The following TRHDE variants were observed in gnomAD, a reference collection of about 807,000 sequenced individuals.
TRHDE encodes thyrotropin-releasing hormone-degrading ectoenzyme.
TRHDE carries 72 observed loss-of-function variants against 125.7 expected under a neutral mutation model. That is an observed-to-expected ratio of 0.57 (90% CI 0.47 to 0.70). The LOEUF (loss-of-function observed/expected upper bound fraction) is 0.70, where lower values mean the gene tolerates loss of function less well. TRHDE is among the 30% of genes least tolerant of loss of function. The pLI is 0.00. For synonymous variants in TRHDE, 509 were observed against 509.1 expected (o/e 1.00, Z 0.00); for missense variants, 1,110 against 1,327.1 (o/e 0.84, Z 2.54).
chr12:72,465,662 T>G (rs957674962), intron 3 of TRHDE, among the ~76,000 whole-genome samples: 2 of 152,194 alleles, frequency 1.3e-5, no homozygotes, highest in Admixed American at 1.3e-4. Flanking sequence ...GGAAATAGGC[T>G]TTTATGAATA....
intron 3 of TRHDE, among the ~76,000 whole-genome samples, chr12:72,460,436 T>A (rs116099341): frequency 0.014 from 2,109 of 152,240 alleles, 45 homozygotes; most frequent in African/African-American, 0.048. Context: ...ATATGTATGC[T>A]TTTTGACTTG....
intron 2 of TRHDE, among the ~76,000 whole-genome samples, chr12:72,176,866 AG>A (rs1876999504): frequency 6.6e-6 from 1 of 152,248 alleles, no homozygotes; most frequent in Non-Finnish European, 1.5e-5. Flanking sequence ...GGATTTATTT[AG>A]AAGAACAAGT....
intron 2 of TRHDE, among the ~76,000 whole-genome samples, chr12:72,184,339 C>T (rs1877157676): frequency 6.6e-6 from 1 of 152,070 alleles, no homozygotes. Context: ...CTTCCAAAGC[C>T]TGAGCAAGAT....
At chr12:72,238,223 G>A (rs1372265338) in intron 2 of TRHDE, among the ~76,000 whole-genome samples, 2 of 135,834 alleles carry the variant, frequency 1.5e-5, no homozygotes, top group Admixed American at 7.8e-5. Flanking sequence ...ATGGTGAGTG[G>A]TACTGGGTGT....
chr12:72,096,858 T>C (rs1487627483), intron 1 of TRHDE, among the ~76,000 whole-genome samples: 1 of 152,214 alleles, frequency 6.6e-6, no homozygotes, highest in Non-Finnish European at 1.5e-5. Flanking sequence ...TTTTCCTTTG[T>C]TGCTTTCAGG....
At chr12:72,491,028 TG>T (rs1380399016) in intron 5 of TRHDE, among the ~76,000 whole-genome samples, 1 of 150,296 alleles carries the variant, frequency 6.7e-6, no homozygotes, top group Non-Finnish European at 1.5e-5. Context: ...TGTGAGATGA[TG>T]GATATGTTAA....
intron 15 of TRHDE, among the ~76,000 whole-genome samples, chr12:72,633,660 CT>C (rs1873591482): frequency 6.6e-6 from 1 of 152,056 alleles, no homozygotes; most frequent in Admixed American, 6.6e-5. Context: ...ACTTGGGATT[CT>C]GTATCCTCTT....
intron 2 of TRHDE, among the ~76,000 whole-genome samples, chr12:72,107,954 A>C (rs1292533064): frequency 6.6e-6 from 1 of 152,104 alleles, no homozygotes; most frequent in Non-Finnish European, 1.5e-5. Flanking sequence ...CACCCAACTA[A>C]TGATGTGACC....
chr12:72,142,738 A>C (rs1377430247), intron 2 of TRHDE, among the ~76,000 whole-genome samples: 2 of 152,160 alleles, frequency 1.3e-5, no homozygotes, highest in Non-Finnish European at 2.9e-5. Flanking sequence ...GATGGATGGC[A>C]GAATGACATG....
chr12:72,606,141 T>G (rs1346981454), intron 12 of TRHDE, among the ~76,000 whole-genome samples: 1 of 152,200 alleles, frequency 6.6e-6, no homozygotes, highest in East Asian at 1.9e-4. Flanking sequence ...TTTGGAGGGT[T>G]GTGATACTCA....
chr12:72,215,518 G>A (rs1402199188), intron 2 of TRHDE, among the ~76,000 whole-genome samples: 1 of 152,158 alleles, frequency 6.6e-6, no homozygotes, highest in Admixed American at 6.5e-5. Context: ...GCCAGCTTAG[G>A]TTCTTAATTC....
rs572404719 is a variant in TRHDE, at chr12:72,575,061, TAGTG to T, written c.2132-190_2132-187del. The stretch of plus-strand genomic sequence containing the variant: ...ATAAGAAAACAATTAATTGAGATGA[TAGTG>T]AGTAACCAATTAAAAGTTTTTCTAG... On this transcript the variant is annotated intron_variant, in intron 10 of 18. Coordinates refer to ENST00000261180, the MANE Select transcript of TRHDE (RefSeq NM_013381.3). Among the ~76,000 whole-genome samples, 408 of 152,258 alleles carry T rather than the reference TAGTG, an allele frequency of 2.7e-3. 1 individual carries two copies. The highest frequency in any genetic ancestry group is 9.1e-3 in the African/African-American group (379 of 41,572).
chr12:72,518,400 T>C, intron 6 of TRHDE, among the ~76,000 whole-genome samples: 1 of 151,308 alleles, frequency 6.6e-6, no homozygotes, highest in Non-Finnish European at 1.5e-5. Flanking sequence ...CATTATGTAA[T>C]GGCGTTCTTT....
At chr12:72,626,524 A>C (rs919599775) in intron 15 of TRHDE, among the ~76,000 whole-genome samples, 4 of 151,906 alleles carry the variant, frequency 2.6e-5, no homozygotes, top group African/African-American at 9.7e-5. Context: ...CATAAAATGT[A>C]AAACAAAATG....
At chr12:72,386,367 C>A (rs756156850) in intron 3 of TRHDE, among the ~76,000 whole-genome samples, 1 of 152,084 alleles carries the variant, frequency 6.6e-6, no homozygotes, top group African/African-American at 2.4e-5. Flanking sequence ...CCTTATACTC[C>A]GCTGTTTCCC....
At chr12:72,476,593 C>T (rs1876904600) in intron 5 of TRHDE, among the ~76,000 whole-genome samples, 1 of 152,106 alleles carries the variant, frequency 6.6e-6, no homozygotes, top group African/African-American at 2.4e-5. Context: ...AATAGAAAAA[C>T]CAGAAGTCAG....
intron 3 of TRHDE, among the ~76,000 whole-genome samples, chr12:72,450,119 G>A (rs1875500411): frequency 6.6e-6 from 1 of 152,034 alleles, no homozygotes; most frequent in Non-Finnish European, 1.5e-5. Flanking sequence ...CAGTCAGATA[G>A]GAGGAATAAG....
At chr12:72,094,335 C>T (rs1458276527) in intron 1 of TRHDE, among the ~76,000 whole-genome samples, 1 of 151,180 alleles carries the variant, frequency 6.6e-6, no homozygotes, top group Non-Finnish European at 1.5e-5. Context: ...GACTGAGTTA[C>T]AGGGCTGAGT....
At chr12:72,410,244 G>A (rs1160186876) in intron 3 of TRHDE, among the ~76,000 whole-genome samples, 4 of 151,828 alleles carry the variant, frequency 2.6e-5, no homozygotes, top group East Asian at 1.9e-4. Flanking sequence ...TATCCATTAA[G>A]TAAACAAAAT....
Sources: gnomAD v4.1 joint callset for allele counts (sites outside exome capture counted in the v4.1 genomes callset) on GRCh38, gnomAD v4.1.1 for gene constraint, MANE v1.5 for transcripts, NCBI Gene and HGNC (gene_info 2026-07-23, HGNC 2026-07-21) for gene names.